The following SGPL1 variants were observed in gnomAD, a reference collection of about 807,000 sequenced individuals.
SGPL1 encodes the protein sphingosine-1-phosphate lyase 1, also known as SP-lyase 1.
In SGPL1, 37 loss-of-function variants were observed where a neutral mutation model predicts 68.9. The observed-to-expected ratio is 0.54, with a 90% CI of 0.41 to 0.71. The LOEUF (loss-of-function observed/expected upper bound fraction) is 0.71, where lower values mean the gene tolerates loss of function less well. SGPL1 is among the 30% of genes least tolerant of loss of function. The probability of loss-of-function intolerance (pLI) is 0.00; values close to 1 mark genes in which losing one functional copy is unlikely to be tolerated. For missense variants in SGPL1, 551 were observed against 704.6 expected (o/e 0.78, Z 2.47); for synonymous variants, 236 against 248.5 (o/e 0.95, Z 0.47).
chr10:70,854,758 A>T lies in SGPL1; in HGVS notation c.312A>T (p.Ser104=), dbSNP rs148829973. 1.2e-6 allele frequency: 2 copies of T among 1,613,948 alleles called. No individual in the cohort carries two copies. Among genetic ancestry groups the T allele is most frequent in the East Asian group, 2.2e-5 (1 of 44,876 alleles). The change falls in exon 5 of 15, where the codon TCA becomes TCT. Residue 104 remains serine (S), a synonymous_variant. Coordinates refer to ENST00000373202, the MANE Select transcript of SGPL1 (RefSeq NM_003901.4). ...AGGATGATATTAGCAAGAACATGTC[A>T]TTCCTGAAAGTGGACAAAGAGTATG... The part of the protein sequence containing the change: ...KTKDDISKNM[S]FLKVDKEYVK...
chr10:70,823,563 G>A (rs1210762260), intron 2 of SGPL1, among the ~76,000 whole-genome samples: 15 of 83,452 alleles, frequency 1.8e-4, no homozygotes, highest in Non-Finnish European at 1.9e-4. Flanking sequence ...ACTTTATATT[G>A]AAAAAAAAAA....
At chr10:70,822,784 C>T (rs1229543134) in intron 2 of SGPL1, among the ~76,000 whole-genome samples, 1 of 148,434 alleles carries the variant, frequency 6.7e-6, no homozygotes, top group African/African-American at 2.5e-5. Context: ...AATAGGAGAG[C>T]CATTATCACT....
At position 70,873,331 on chromosome 10, in the gene SGPL1, G is replaced by A. The variant is rs1464701437; in HGVS notation, c.1060-20G>A. 1 of 1,577,692 alleles carries A rather than the reference G, an allele frequency of 6.3e-7. No individual in the cohort carries two copies. The highest frequency in any genetic ancestry group is 1.1e-5 in the South Asian group (1 of 90,484). On this transcript the variant is annotated intron_variant, in intron 11 of 14. Coordinates refer to ENST00000373202, the MANE Select transcript of SGPL1 (RefSeq NM_003901.4). ...ACAGAACTATACTCTCACTTTTCTT[G>A]TCTGCTACTTCTTCCACAGTATGGC...
intron 2 of SGPL1, among the ~76,000 whole-genome samples, chr10:70,841,057 A>G (rs1213148803): frequency 6.6e-6 from 1 of 152,134 alleles, no homozygotes; most frequent in Non-Finnish European, 1.5e-5. Flanking sequence ...TGGTTTGACC[A>G]CAACTTTCAC....
In SGPL1 at chr10:70,857,704, T is replaced by C; in HGVS notation, c.486+14T>C. ...CTCCTTGTGAAGGTGAGTGTCCAGT[T>C]CTTGAGGGAAGCCTGTGAGGTCTGT... is the stretch of plus-strand genomic sequence containing the variant. On this transcript the variant is annotated intron_variant, in intron 6 of 14. Coordinates refer to ENST00000373202, the MANE Select transcript of SGPL1 (RefSeq NM_003901.4). 6.3e-7 allele frequency: 1 copy of C among 1,589,704 alleles called. No homozygotes were observed. The highest frequency in any genetic ancestry group is 8.6e-7 in the Non-Finnish European group (1 of 1,163,622).
chr10:70,871,080 C>T lies in SGPL1; in HGVS notation c.843C>T (p.Ala281=). The part of the protein sequence containing the change: ...AMRRAISRNT[A]MLVCSTPQFP... Reference sequence around the variant, plus strand: ...GAAGAGCTATCTCCAGGAACACTGCCATGCTCGTCTGTTCTACCCCACAGT... The same window carrying T: ...GAAGAGCTATCTCCAGGAACACTGCTATGCTCGTCTGTTCTACCCCACAGT... The change falls in exon 10 of 15, where the codon GCC becomes GCT. Residue 281 remains alanine (A), a synonymous_variant. Transcript: ENST00000373202. 1.2e-6 allele frequency: 2 copies of T among 1,613,948 alleles called. No individual in the cohort carries two copies. Among genetic ancestry groups the T allele is most frequent in the Non-Finnish European group, 1.7e-6 (2 of 1,179,820 alleles).
chr10:70,860,956 A>G (rs1371336313), intron 7 of SGPL1, among the ~76,000 whole-genome samples: 1 of 151,990 alleles, frequency 6.6e-6, no homozygotes, highest in Non-Finnish European at 1.5e-5. Context: ...ATCTTTGGCC[A>G]GTGGAAACAT....
Position 70,879,949 on chromosome 10 carries a change from T to A in SGPL1, c.*2614T>A, listed in dbSNP as rs1488940431. Reference sequence around the variant, plus strand: ...TTAAGTAGTCATGTGAATATACTGCTATGTCACTTTTAATATTACGAGTTT... The same window carrying A: ...TTAAGTAGTCATGTGAATATACTGCAATGTCACTTTTAATATTACGAGTTT... On this transcript the variant is annotated 3_prime_UTR_variant, in exon 15 of 15. Coordinates refer to ENST00000373202, the MANE Select transcript of SGPL1 (RefSeq NM_003901.4). 1 of 152,648 alleles carries A rather than the reference T, an allele frequency of 6.6e-6. No homozygotes were observed. Among genetic ancestry groups the A allele is most frequent in the Non-Finnish European group, 1.5e-5 (1 of 68,042 alleles). 9.5% of individuals were successfully genotyped at this position (152,648 alleles called of 1,614,324 possible).
intron 2 of SGPL1, among the ~76,000 whole-genome samples, chr10:70,826,099 C>T (rs1008306295): frequency 6.6e-6 from 1 of 152,240 alleles, no homozygotes; most frequent in African/African-American, 2.4e-5. Flanking sequence ...GCATGAGAAT[C>T]GCTTGAACGC....
intron 2 of SGPL1, among the ~76,000 whole-genome samples, chr10:70,819,991 G>A (rs1329074801): frequency 6.6e-6 from 1 of 152,034 alleles, no homozygotes; most frequent in East Asian, 1.9e-4. Context: ...TCTGGTAAAT[G>A]GATATCCAGT....
chr10:70,873,637 C>G (rs372213337), intron 12 of SGPL1, 48 bp downstream of exon 12: 1 of 1,424,384 alleles, frequency 7.0e-7, no homozygotes, highest in Non-Finnish European at 9.9e-7. Flanking sequence ...CTTTTTTGTC[C>G]TAGTAGGCTC....
intron 9 of SGPL1, 128 bp from the exon 10 acceptor site, chr10:70,870,920 G>T: frequency 1.4e-6 from 1 of 699,902 alleles, no homozygotes. Flanking sequence ...CTCCCAGTTG[G>T]AGTGGTGAAG....
chr10:70,834,538 C>T (rs565645863), intron 2 of SGPL1, among the ~76,000 whole-genome samples: 23 of 152,286 alleles, frequency 1.5e-4, no homozygotes, highest in Admixed American at 6.5e-4. Flanking sequence ...AATTTCTTTC[C>T]GTCTTTCTTT....
At chr10:70,827,228 ATGTAAT>A (rs372403987) in intron 2 of SGPL1, among the ~76,000 whole-genome samples, 10 of 152,354 alleles carry the variant, frequency 6.6e-5, no homozygotes, top group African/African-American at 2.2e-4. Context: ...AAGCAGATAA[ATGTAAT>A]TGTAATTTCC....
In SGPL1 at chr10:70,838,090, A is replaced by AG. The variant is rs1845655826; in HGVS notation, c.28-6377dup. Among the ~76,000 whole-genome samples, 4 of 150,642 alleles carry AG rather than the reference A, an allele frequency of 2.7e-5. No individual in the cohort carries two copies. In the South Asian group the frequency reaches 6.2e-4, roughly 23 times the overall value. ...GCAATTAAATTTCAACGTGAGTTTTAGGGGGGACATTCAAATCATAACAGG... is the reference window on the plus strand; with the variant it reads ...GCAATTAAATTTCAACGTGAGTTTTAGGGGGGGACATTCAAATCATAACAGG... On this transcript the variant is annotated intron_variant, in intron 2 of 14. Coordinates refer to ENST00000373202, the MANE Select transcript of SGPL1 (RefSeq NM_003901.4).
chr10:70,832,876 A>C (rs1845568292), intron 2 of SGPL1, among the ~76,000 whole-genome samples: 1 of 152,070 alleles, frequency 6.6e-6, no homozygotes, highest in Non-Finnish European at 1.5e-5. Flanking sequence ...CTGCTTATTG[A>C]ATTCAGTTTT....
At position 70,871,091 on chromosome 10, in the gene SGPL1, G is replaced by C. The variant is rs1286045963; in HGVS notation, c.854G>C (p.Cys285Ser). The C allele has an allele frequency of 1.2e-6, 2 of 1,613,868 alleles. No homozygotes were observed. The highest frequency in any genetic ancestry group is 1.3e-5 in the African/African-American group (1 of 74,914). Residue 285 changes from cysteine (C) to serine (S), a missense_variant, in exon 10 of 15, where the codon TGT becomes TCT. Physicochemically the swap from Cys to Ser is moderately radical, Grantham distance 112. Transcript: ENST00000373202. ...TCCAGGAACACTGCCATGCTCGTCTGTTCTACCCCACAGTTTCCTCATGGT... is the reference window on the plus strand; with the variant it reads ...TCCAGGAACACTGCCATGCTCGTCTCTTCTACCCCACAGTTTCCTCATGGT... ...AISRNTAMLV[C>S]STPQFPHGVI...
intron 2 of SGPL1, among the ~76,000 whole-genome samples, chr10:70,827,806 T>G (rs1373544756): frequency 2.0e-5 from 3 of 152,170 alleles, no homozygotes; most frequent in Admixed American, 2.0e-4. Flanking sequence ...CCAGCCAGCT[T>G]CTTAATGTCC....
chr10:70,859,270 A>T (rs1554838485), intron 6 of SGPL1, 101 bp from the exon 7 acceptor site: 1 of 835,772 alleles, frequency 1.2e-6, no homozygotes, highest in Non-Finnish European at 1.6e-6. Context: ...TCCAGTTTAT[A>T]TTGTTGTGCC....
Sources: allele counts gnomAD v4.1 joint callset (sites outside exome capture counted in the v4.1 genomes callset), GRCh38; gene constraint gnomAD v4.1.1; transcripts MANE v1.5; gene names NCBI Gene and HGNC (gene_info 2026-07-23, HGNC 2026-07-21).